The following EHMT1 variants were observed in gnomAD, a reference collection of about 807,000 sequenced individuals.
EHMT1 encodes the protein histone-lysine N-methyltransferase EHMT1.
In EHMT1, 15 loss-of-function variants were observed where a neutral mutation model predicts 147.2. That is an observed-to-expected ratio of 0.10 (90% CI 0.07 to 0.16). The LOEUF (loss-of-function observed/expected upper bound fraction) is 0.16. EHMT1 is among the 10% of genes least tolerant of loss of function. The pLI, the probability that EHMT1 is intolerant of heterozygous loss-of-function variation, is 1.00. For synonymous variants in EHMT1, 795 were observed against 709.6 expected, an observed-to-expected ratio of 1.12 and a Z score of -1.91; for missense variants, 1,587 against 1,772.4, an observed-to-expected ratio of 0.90 and a Z score of 1.88.
At chr9:137,744,206 A>G (rs1948356242) in intron 6 of EHMT1, 116 bp downstream of exon 6, 8 of 1,045,890 alleles carry the variant, frequency 7.6e-6, no homozygotes, top group Non-Finnish European at 1.1e-5. Flanking sequence ...CCTGTTTACA[A>G]TTGGCTTAGA....
chr9:137,689,477 G>C (rs1374236560), intron 1 of EHMT1, among the ~76,000 whole-genome samples: 2 of 152,130 alleles, frequency 1.3e-5, no homozygotes, highest in Non-Finnish European at 2.9e-5. Context: ...GGCGGAGGTG[G>C]GTGGATCATG....
At position 137,777,878 on chromosome 9, in the gene EHMT1, G is replaced by A. The variant is rs1951081014; in HGVS notation, c.2019-4G>A. On this transcript the variant is annotated splice_polypyrimidine_tract_variant and splice_region_variant and intron_variant, in intron 12 of 26. Transcript: ENST00000460843. ...AAACCTTTCCCCGATTTCCTCCCCT[G>A]AAGTGCTGCCGGGCCACCACTCTCG... The A allele has an allele frequency of 3.1e-6, 5 of 1,612,732 alleles. No homozygotes were observed. Among genetic ancestry groups the A allele is most frequent in the African/African-American group, 2.7e-5 (2 of 74,882 alleles).
rs112664025 is a variant in EHMT1 at position 137,817,423 on chromosome 9, ACT to A, written c.3375-11_3375-10del. The A allele has an allele frequency of 0.059, 95,008 of 1,613,552 alleles. 3,276 individuals are homozygous for A. Among genetic ancestry groups the A allele is most frequent in the South Asian group, 0.12 (10,815 of 91,054 alleles). On this transcript the variant is annotated splice_polypyrimidine_tract_variant and intron_variant, in intron 23 of 26. Coordinates refer to ENST00000460843, the MANE Select transcript of EHMT1 (RefSeq NM_024757.5). ...GAGGCTGTGGCCTGGGTTCACCACT[ACT>A]CTCTATTTTTCAGGGCAAGGCTGCA...
intron 18 of EHMT1, chr9:137,803,078 C>T (rs372725410): frequency 1.5e-5 from 19 of 1,229,922 alleles, no homozygotes; most frequent in Middle Eastern, 3.1e-4. Context: ...TGTGGCTGGT[C>T]GGCCTGCATG....
chr9:137,678,530 C>G (rs1941611352), intron 1 of EHMT1, among the ~76,000 whole-genome samples: 1 of 152,128 alleles, frequency 6.6e-6, no homozygotes, highest in Non-Finnish European at 1.5e-5. Flanking sequence ...TCTGGTGTTC[C>G]TGTCTCGCCG....
At chr9:137,826,146 G>T (rs867571959) in intron 25 of EHMT1, among the ~76,000 whole-genome samples, 3 of 139,826 alleles carry the variant, frequency 2.1e-5, no homozygotes, top group Admixed American at 1.4e-4. Flanking sequence ...GGGTCCATAG[G>T]GGGTGGGTGG....
intron 25 of EHMT1, among the ~76,000 whole-genome samples, chr9:137,822,409 A>G (rs930355555): frequency 1.3e-5 from 2 of 152,138 alleles, no homozygotes; most frequent in Admixed American, 6.5e-5. Flanking sequence ...ACTGGCTCAT[A>G]TGATGGGGTA....
At chr9:137,634,611 A>ATTTCT (rs138810369) in intron 1 of EHMT1, among the ~76,000 whole-genome samples, 109 of 137,300 alleles carry the variant, frequency 7.9e-4, no homozygotes, top group Middle Eastern at 4.2e-3. Flanking sequence ...ATTTTCTTTC[A>ATTTCT]TTTCTTTTCT....
chr9:137,659,360 A>G (rs913694306), intron 1 of EHMT1, among the ~76,000 whole-genome samples: 1 of 151,748 alleles, frequency 6.6e-6, no homozygotes, highest in Non-Finnish European at 1.5e-5. Flanking sequence ...TATTATGAAT[A>G]TAGTCTCCTA....
intron 3 of EHMT1, among the ~76,000 whole-genome samples, chr9:137,719,754 G>A (rs1054474371): frequency 1.3e-5 from 2 of 152,158 alleles, no homozygotes; most frequent in Non-Finnish European, 2.9e-5. Flanking sequence ...CGTGCATCAC[G>A]TGCAGGGTGT....
intron 10 of EHMT1, among the ~76,000 whole-genome samples, chr9:137,767,908 C>T (rs1392702522): frequency 6.6e-6 from 1 of 152,160 alleles, no homozygotes; most frequent in East Asian, 1.9e-4. Context: ...TTTTGCATTT[C>T]AGATTTTTGG....
rs1245209201 is a variant in EHMT1 at position 137,619,032 on chromosome 9, G to T, written c.4G>T (p.Ala2Ser). Reference sequence around the variant, plus strand: ...GGCCACGCTGCGGGCCCGGGCCATGGCCGCCGCCGATGCCGAGGTGAGCAG... The same window carrying T: ...GGCCACGCTGCGGGCCCGGGCCATGTCCGCCGCCGATGCCGAGGTGAGCAG... M[A>S]AADAEAVPAR... The change falls in exon 1 of 27, where the codon GCC becomes TCC. Residue 2 changes from alanine (A) to serine (S), a missense_variant. Transcript: ENST00000460843. 1.0e-6 allele frequency: 1 copy of T among 969,668 alleles called. No homozygotes were observed. Among genetic ancestry groups the T allele is most frequent in the African/African-American group, 1.8e-5 (1 of 56,406 alleles). The allele number at this position is 969,668 out of a possible 1,614,324, so 60.1% of individuals were successfully genotyped here.
At chr9:137,810,893 G>T (rs913757205) in intron 18 of EHMT1, among the ~76,000 whole-genome samples, 2 of 152,012 alleles carry the variant, frequency 1.3e-5, no homozygotes, top group African/African-American at 4.8e-5. Flanking sequence ...TAGAAACGGG[G>T]TTTCACCATG....
At chr9:137,763,786 G>A (rs1006624814) in intron 10 of EHMT1, 1 of 152,498 alleles carries the variant, frequency 6.6e-6, no homozygotes, top group Non-Finnish European at 1.5e-5. Flanking sequence ...GGTGATACAG[G>A]TGAGGCCCGT....
At chr9:137,724,263 A>T (rs1317586441) in intron 3 of EHMT1, among the ~76,000 whole-genome samples, 1 of 152,172 alleles carries the variant, frequency 6.6e-6, no homozygotes, top group Non-Finnish European at 1.5e-5. Context: ...CCTGGTGCAC[A>T]GCCCACCGCC....
At chr9:137,646,492 G>C in intron 1 of EHMT1, 1 of 969,644 alleles carries the variant, frequency 1.0e-6, no homozygotes, top group South Asian at 4.8e-5. Context: ...TGGGAGAGAG[G>C]AGCTAGTCAG....
intron 1 of EHMT1, among the ~76,000 whole-genome samples, chr9:137,624,388 C>T (rs1843126170): frequency 1.4e-5 from 2 of 147,532 alleles, no homozygotes; most frequent in African/African-American, 5.0e-5. Flanking sequence ...GGTGTGTGAT[C>T]TTGTCTTTCT....
At chr9:137,808,247 CG>C (rs1954116777) in intron 18 of EHMT1, among the ~76,000 whole-genome samples, 1 of 151,958 alleles carries the variant, frequency 6.6e-6, no homozygotes, top group Non-Finnish European at 1.5e-5. Context: ...CACTTCCTGC[CG>C]GAAGTGCACA....
intron 23 of EHMT1, 27 bp from the exon 24 acceptor site, chr9:137,817,412 G>A: frequency 1.2e-6 from 2 of 1,613,424 alleles, no homozygotes; most frequent in East Asian, 2.2e-5. Flanking sequence ...CTGTGGCCTG[G>A]GTTCACCACT....
Sources: gnomAD v4.1 joint callset for allele counts (sites outside exome capture counted in the v4.1 genomes callset) on GRCh38, gnomAD v4.1.1 for gene constraint, MANE v1.5 for transcripts, NCBI Gene and HGNC (gene_info 2026-07-23, HGNC 2026-07-21) for gene names.